Variants in SLC17A5 observed in about 807,000 individuals in gnomAD.
SLC17A5 encodes the protein solute carrier family 17 member 5, also known as sialin.
Under a neutral mutation model 59.4 loss-of-function variants are expected in SLC17A5, and 47 were observed. That is an observed-to-expected ratio of 0.79 (90% CI 0.63 to 1.01). The LOEUF is 1.01. Among genes scored for constraint, SLC17A5 ranks in the 50% least tolerant of loss-of-function variants. SLC17A5 has a pLI of 0.00. For synonymous variants in SLC17A5, 202 were observed against 210.7 expected, an observed-to-expected ratio of 0.96 and a Z score of 0.36; for missense variants, 522 against 595.5, an observed-to-expected ratio of 0.88 and a Z score of 1.28.
intron 9 of SLC17A5, among the ~76,000 whole-genome samples, chr6:73,602,877 G>T (rs1351845217): frequency 6.6e-6 from 1 of 151,390 alleles, no homozygotes; most frequent in Non-Finnish European, 1.5e-5. Flanking sequence ...CATACAGAAA[G>T]CTTAGCATGT....
intron 1 of SLC17A5, among the ~76,000 whole-genome samples, chr6:73,649,748 A>G (rs375172753): frequency 6.1e-4 from 88 of 144,894 alleles, no homozygotes; most frequent in African/African-American, 1.9e-3. Context: ...ACTGTGAATT[A>G]TTATGGGTTT....
At chr6:73,599,642 C>T (rs1208356195) in intron 10 of SLC17A5, among the ~76,000 whole-genome samples, 1 of 152,202 alleles carries the variant, frequency 6.6e-6, no homozygotes, top group Non-Finnish European at 1.5e-5. Context: ...ATTTCTACAA[C>T]ATTCCTTTTT....
chr6:73,636,897 A>C (rs1209052828), intron 4 of SLC17A5, among the ~76,000 whole-genome samples, 190 bp from the exon 5 acceptor site: 2 of 152,102 alleles, frequency 1.3e-5, no homozygotes, highest in Non-Finnish European at 2.9e-5. Flanking sequence ...CCTGGGCAAT[A>C]TGGCAAACTC....
chr6:73,647,154 C>A (rs1769617566), intron 1 of SLC17A5, among the ~76,000 whole-genome samples: 1 of 152,192 alleles, frequency 6.6e-6, no homozygotes, highest in South Asian at 2.1e-4. Context: ...TTAAAAAGAT[C>A]ATTACCTATT....
chr6:73,632,540 T>C (rs1475885389), intron 6 of SLC17A5, among the ~76,000 whole-genome samples: 1 of 141,676 alleles, frequency 7.1e-6, no homozygotes, highest in African/African-American at 2.6e-5. Flanking sequence ...CTTCCCAGGC[T>C]CACTCAATCC....
At chr6:73,644,631 A>G (rs1233394694) in intron 1 of SLC17A5, 28 bp from the exon 2 acceptor site, 1 of 1,585,392 alleles carries the variant, frequency 6.3e-7, no homozygotes, top group East Asian at 2.3e-5. Context: ...GAAAATTTTT[A>G]TTTATTTTTA....
At chr6:73,626,334 G>C (rs1201696127) in intron 6 of SLC17A5, among the ~76,000 whole-genome samples, 1 of 152,218 alleles carries the variant, frequency 6.6e-6, no homozygotes, top group African/African-American at 2.4e-5. Flanking sequence ...CACAGGGTTA[G>C]AGGCTTAGAA....
chr6:73,631,146 G>A lies in SLC17A5; in HGVS notation c.819+4236C>T, dbSNP rs1263455240. ...AGGCCTGGGGTTGTCCTGTTGAACC[G>A]AAACCAGGCCACTCTATGAGCATGC... On this transcript the variant is annotated intron_variant, in intron 6 of 10. Transcript: ENST00000355773. Among the ~76,000 whole-genome samples the A allele has an allele frequency of 3.3e-5, 5 of 151,190 alleles. 1 individual carries two copies. Among genetic ancestry groups the A allele is most frequent in the East Asian group, 1.9e-4 (1 of 5,178 alleles).
At chr6:73,625,318 C>T (rs996913142) in intron 6 of SLC17A5, among the ~76,000 whole-genome samples, 10 of 152,010 alleles carry the variant, frequency 6.6e-5, no homozygotes, top group Admixed American at 4.6e-4. Flanking sequence ...TCCCGAGTAG[C>T]TGGGATTATA....
At chr6:73,653,988 GGGGCGA>G in exon 1 of SLC17A5, 11 of 1,086,710 alleles carry the variant, frequency 1.0e-5, no homozygotes, top group Non-Finnish European at 1.3e-5. Flanking sequence ...GGGCGGGGCG[GGGGCGA>G]TGACACCGCC....
chr6:73,623,171 T>C (rs1768232059), intron 6 of SLC17A5, among the ~76,000 whole-genome samples: 1 of 151,888 alleles, frequency 6.6e-6, no homozygotes, highest in Non-Finnish European at 1.5e-5. Context: ...CACGAGTAGC[T>C]GGGACTATGG....
At chr6:73,619,618 T>C (rs184214216) in intron 7 of SLC17A5, among the ~76,000 whole-genome samples, 1 of 151,978 alleles carries the variant, frequency 6.6e-6, no homozygotes, top group East Asian at 1.9e-4. Context: ...AAATAGGCTA[T>C]ATAATTATAG....
At chr6:73,620,773 G>A (rs1768104609) in intron 7 of SLC17A5, among the ~76,000 whole-genome samples, 1 of 151,660 alleles carries the variant, frequency 6.6e-6, no homozygotes, top group Non-Finnish European at 1.5e-5. Flanking sequence ...CCAGGCTGGA[G>A]TGCAGGGGCA....
intron 2 of SLC17A5, 71 bp from the exon 3 acceptor site, chr6:73,641,995 AT>A: frequency 7.9e-7 from 1 of 1,264,648 alleles, no homozygotes; most frequent in Non-Finnish European, 1.2e-6. Context: ...TCTTACTGGC[AT>A]GTAAGTACAT....
intron 9 of SLC17A5, among the ~76,000 whole-genome samples, chr6:73,605,636 C>A (rs562215444): frequency 1.4e-5 from 2 of 141,660 alleles, no homozygotes; most frequent in Non-Finnish European, 3.0e-5. Flanking sequence ...TTTAAACACA[C>A]ACACACACAC....
chr6:73,623,426 C>G (rs767829084), intron 6 of SLC17A5, among the ~76,000 whole-genome samples: 5 of 151,956 alleles, frequency 3.3e-5, no homozygotes, highest in African/African-American at 1.2e-4. Context: ...ACCTCTGCCT[C>G]CCGGGTTCAA....
At chr6:73,615,955 G>A (rs973330506) in intron 7 of SLC17A5, among the ~76,000 whole-genome samples, 2 of 135,302 alleles carry the variant, frequency 1.5e-5, no homozygotes, top group African/African-American at 2.7e-5. Context: ...GTGTGATCTC[G>A]ACTCACTGCA....
At chr6:73,605,963 G>A (rs1326561724) in intron 9 of SLC17A5, among the ~76,000 whole-genome samples, 1 of 152,002 alleles carries the variant, frequency 6.6e-6, no homozygotes, top group African/African-American at 2.4e-5. Flanking sequence ...GGCAACAAGA[G>A]TGAAACTCCA....
chr6:73,598,095 C>G (rs1766899279), intron 10 of SLC17A5, among the ~76,000 whole-genome samples: 1 of 152,134 alleles, frequency 6.6e-6, no homozygotes, highest in Non-Finnish European at 1.5e-5. Context: ...CCTGTGTGGT[C>G]TCTGGGACAA....
Sources: gnomAD v4.1 joint callset for allele counts (sites outside exome capture counted in the v4.1 genomes callset) on GRCh38, gnomAD v4.1.1 for gene constraint, MANE v1.5 for transcripts, NCBI Gene and HGNC (gene_info 2026-07-23, HGNC 2026-07-21) for gene names.